The following ROBO2 variants were observed in gnomAD, a reference collection of about 807,000 sequenced individuals.
ROBO2 encodes the protein roundabout homolog 2.
In ROBO2, 53 loss-of-function variants were observed where a neutral mutation model predicts 160.8. That is an observed-to-expected ratio of 0.33 (90% CI 0.26 to 0.41). The LOEUF (loss-of-function observed/expected upper bound fraction) is 0.41, where lower values mean the gene tolerates loss of function less well. ROBO2 is among the 10% of genes least tolerant of loss of function. The pLI, the probability that ROBO2 is intolerant of heterozygous loss-of-function variation, is 1.00. For synonymous variants in ROBO2, 664 were observed against 611.7 expected (o/e 1.09, Z -1.26); for missense variants, 1,577 against 1,722.4 (o/e 0.92, Z 1.49).
At chr3:76,084,021 T>C (rs2068924839) in intron 2 of ROBO2, among the ~76,000 whole-genome samples, 1 of 152,076 alleles carries the variant, frequency 6.6e-6, no homozygotes, top group Non-Finnish European at 1.5e-5. Flanking sequence ...CTGCTGGATA[T>C]TGTGTTGGGG....
intron 2 of ROBO2, among the ~76,000 whole-genome samples, chr3:76,053,980 A>G (rs963082325): frequency 3.3e-5 from 5 of 152,112 alleles, no homozygotes; most frequent in African/African-American, 9.6e-5. Context: ...TTATATAACT[A>G]TTACCATTGT....
intron 2 of ROBO2, among the ~76,000 whole-genome samples, chr3:77,264,516 G>A (rs935344180): frequency 4.0e-5 from 6 of 151,202 alleles, no homozygotes; most frequent in African/African-American, 1.2e-4. Context: ...TCAGAGGAAT[G>A]TTAACTGTAC....
intron 2 of ROBO2, among the ~76,000 whole-genome samples, chr3:76,334,555 C>G (rs907271306): frequency 6.6e-6 from 1 of 152,052 alleles, no homozygotes; most frequent in South Asian, 2.1e-4. Context: ...AGCAGCTTGG[C>G]TTTTCTTTTT....
chr3:75,983,783 C>G (rs1559804630), intron 2 of ROBO2, among the ~76,000 whole-genome samples: 1 of 151,212 alleles, frequency 6.6e-6, no homozygotes, highest in Non-Finnish European at 1.5e-5. Flanking sequence ...TATTTCATTC[C>G]TTTACACACA....
At chr3:76,155,225 A>G (rs894062568) in intron 2 of ROBO2, among the ~76,000 whole-genome samples, 1 of 152,180 alleles carries the variant, frequency 6.6e-6, no homozygotes, top group African/African-American at 2.4e-5. Context: ...CTTCGATATC[A>G]CTAAAAGAAA....
At chr3:77,167,039 G>C (rs745519966) in intron 2 of ROBO2, among the ~76,000 whole-genome samples, 1 of 152,150 alleles carries the variant, frequency 6.6e-6, no homozygotes, top group African/African-American at 2.4e-5. Flanking sequence ...ATGGTGATAA[G>C]TTCATTATAC....
chr3:77,044,744 A>G (rs989351896), intron 1 of ROBO2, among the ~76,000 whole-genome samples: 5 of 152,180 alleles, frequency 3.3e-5, no homozygotes, highest in African/African-American at 1.2e-4. Context: ...ATATAGCTTT[A>G]TGCAAAATGT....
intron 8 of ROBO2, among the ~76,000 whole-genome samples, chr3:77,556,881 A>T (rs903133355): frequency 6.6e-5 from 10 of 151,884 alleles, no homozygotes; most frequent in Non-Finnish European, 1.2e-4. Flanking sequence ...TAATTAACCA[A>T]AGTCTATGCT....
At chr3:76,626,386 T>A (rs1030417528) in intron 2 of ROBO2, among the ~76,000 whole-genome samples, 1 of 151,894 alleles carries the variant, frequency 6.6e-6, no homozygotes, top group Non-Finnish European at 1.5e-5. Flanking sequence ...AGACAATACA[T>A]AGAGAAGACA....
intron 2 of ROBO2, among the ~76,000 whole-genome samples, chr3:77,279,753 GA>G (rs35261833): frequency 1.3e-5 from 2 of 150,792 alleles, no homozygotes; most frequent in Admixed American, 6.6e-5. Flanking sequence ...ATAACATTAA[GA>G]AAAAAAAATC....
chr3:76,057,970 T>A (rs1559874791), intron 2 of ROBO2, among the ~76,000 whole-genome samples: 1 of 152,120 alleles, frequency 6.6e-6, no homozygotes, highest in Non-Finnish European at 1.5e-5. Context: ...GCCTTTACCG[T>A]GTGTTTGTGA....
chr3:75,950,330 C>T (rs1948486759), intron 2 of ROBO2, among the ~76,000 whole-genome samples: 1 of 152,042 alleles, frequency 6.6e-6, no homozygotes, highest in Non-Finnish European at 1.5e-5. Context: ...GAAATTAAAA[C>T]ACACATCATG....
intron 3 of ROBO2, among the ~76,000 whole-genome samples, chr3:77,480,032 C>G (rs1381791646): frequency 6.6e-6 from 1 of 152,150 alleles, no homozygotes; most frequent in Non-Finnish European, 1.5e-5. Flanking sequence ...ATGGCCTTCA[C>G]AGCCATTTTT....
intron 2 of ROBO2, among the ~76,000 whole-genome samples, chr3:76,231,111 G>A (rs1473900086): frequency 6.6e-6 from 1 of 152,172 alleles, no homozygotes; most frequent in Non-Finnish European, 1.5e-5. Flanking sequence ...CATTTCTGTT[G>A]TTTGAGGCTA....
chr3:76,128,968 CTTTAGGGAA>C (rs1458344303), intron 2 of ROBO2, among the ~76,000 whole-genome samples: 1 of 151,044 alleles, frequency 6.6e-6, no homozygotes, highest in East Asian at 1.9e-4. Context: ...GTCTTCTGGA[CTTTAGGGAA>C]TTTACAGATA....
chr3:76,220,740 T>C (rs916704730), intron 2 of ROBO2, among the ~76,000 whole-genome samples: 2 of 151,430 alleles, frequency 1.3e-5, no homozygotes, highest in African/African-American at 4.9e-5. Flanking sequence ...ACAAACATAT[T>C]TGATGAAAAC....
intron 2 of ROBO2, among the ~76,000 whole-genome samples, chr3:77,259,106 A>G (rs1300865179): frequency 6.6e-6 from 1 of 152,142 alleles, no homozygotes; most frequent in Non-Finnish European, 1.5e-5. Context: ...CTCTCCTCGT[A>G]TTCACATCCA....
chr3:77,348,116 C>T (rs1428674752), intron 2 of ROBO2, among the ~76,000 whole-genome samples: 1 of 151,916 alleles, frequency 6.6e-6, no homozygotes, highest in Non-Finnish European at 1.5e-5. Flanking sequence ...ATCCAGATCC[C>T]AAGAGAGGGT....
rs373443577 is a variant in ROBO2 at position 77,442,227 on chromosome 3, G to T, written c.389-35187G>T. On this transcript the variant is annotated intron_variant, in intron 2 of 25. Transcript: ENST00000461745. ...CTCGGGAGGCTGAGGCAGGAGAATG[G>T]CGTGAACCCGGGAGGCAGAGTTTGC... Among the ~76,000 whole-genome samples, 66 of 152,146 alleles carry T rather than the reference G, an allele frequency of 4.3e-4. No individual in the cohort carries two copies. The East Asian group carries it at 0.013, about 29-fold the overall frequency.
Sources: gnomAD v4.1 joint callset for allele counts (sites outside exome capture counted in the v4.1 genomes callset) on GRCh38, gnomAD v4.1.1 for gene constraint, MANE v1.5 for transcripts, NCBI Gene and HGNC (gene_info 2026-07-23, HGNC 2026-07-21) for gene names.